CFAP92: variants seen among roughly 807,000 people sequenced by gnomAD.
The protein encoded by CFAP92 is uncharacterized protein CFAP92.
CFAP92 carries 86 observed loss-of-function variants against 106.3 expected under a neutral mutation model. That is an observed-to-expected ratio of 0.81 (90% confidence interval 0.68 to 0.97). CFAP92 has a LOEUF of 0.97. Among genes scored for constraint, CFAP92 ranks in the 50% least tolerant of loss-of-function variants. The pLI is 0.00. For missense variants in CFAP92, 1,204 were observed against 1,283.8 expected (o/e 0.94, Z 0.95); for synonymous variants, 477 against 506.4 (o/e 0.94, Z 0.78).
chr3:129,017,725 T>TTAA, the CFAP92 span, among the ~76,000 whole-genome samples: 1 of 146,420 alleles, frequency 6.8e-6, no homozygotes, highest in Non-Finnish European at 1.5e-5. Flanking sequence ...GGGACTTGTG[T>TTAA]GATTAGACAG....
the CFAP92 span, among the ~76,000 whole-genome samples, chr3:129,007,774 T>A: frequency 6.6e-6 from 1 of 152,250 alleles, no homozygotes; most frequent in Non-Finnish European, 1.5e-5. Context: ...TTGATGACTC[T>A]ATTGTTCATG....
At chr3:128,910,757 CCTT>C (rs1936201125) in intron 15 of CFAP92, 3 of 1,614,236 alleles carry the variant, frequency 1.9e-6, no homozygotes, top group Non-Finnish European at 2.5e-6. Context: ...TTGGCCAACA[CCTT>C]CTGCGTGGAA....
At position 128,911,533 on chromosome 3, in the gene CFAP92, G is replaced by A. The variant is rs188462902; in HGVS notation, c.3281-1200C>T. Among the ~76,000 whole-genome samples the A allele has an allele frequency of 5.6e-4, 85 of 152,258 alleles. 1 individual carries two copies. Among genetic ancestry groups the A allele is most frequent in the Admixed American group, 7.8e-4 (12 of 15,298 alleles). Reference sequence around the variant, plus strand: ...GCTCACTGCAACCTCCACCTCCTGGGTTCAAGCAACTCCTGTGCCTCAGCC... The same window carrying A: ...GCTCACTGCAACCTCCACCTCCTGGATTCAAGCAACTCCTGTGCCTCAGCC... On this transcript the variant is annotated intron_variant, in intron 15 of 15. Transcript: ENST00000645291.
At chr3:128,993,712 C>T in intron 1 of CFAP92, 1 of 295,892 alleles carries the variant, frequency 3.4e-6, no homozygotes, top group Non-Finnish European at 6.6e-6. Flanking sequence ...GCACAAGATG[C>T]GTTTGCTATT....
At chr3:128,987,888 A>G in intron 3 of CFAP92, 59 bp from the exon 4 acceptor site, 1 of 1,453,362 alleles carries the variant, frequency 6.9e-7, no homozygotes, top group Non-Finnish European at 9.3e-7. Flanking sequence ...GGCCGTGGCG[A>G]ACAGAGCAAG....
At chr3:128,994,633 G>A (rs527766584), upstream of CFAP92, among the ~76,000 whole-genome samples, 63 of 152,340 alleles carry the variant, frequency 4.1e-4, 3 homozygotes, top group South Asian at 0.013. Context: ...GCTTAGAGAG[G>A]TGAAGCGATT....
intron 12 of CFAP92, among the ~76,000 whole-genome samples, chr3:128,925,779 GA>G (rs1937603614): frequency 6.6e-6 from 1 of 151,932 alleles, no homozygotes; most frequent in Non-Finnish European, 1.5e-5. Context: ...GAAAACCAAA[GA>G]AAATAAAAAC....
chr3:128,947,588 C>T (rs192417213), intron 9 of CFAP92, among the ~76,000 whole-genome samples: 1 of 151,140 alleles, frequency 6.6e-6, no homozygotes, highest in East Asian at 2.0e-4. Flanking sequence ...GAAACAGATC[C>T]ACACAAGTAT....
chr3:128,938,629 G>A lies in CFAP92; in HGVS notation c.2259-3310C>T, dbSNP rs375291874. On this transcript the variant is annotated intron_variant, in intron 10 of 15. Coordinates refer to ENST00000645291, the MANE Select transcript of CFAP92 (RefSeq NM_001394090.1). ...CTGCCTCAGCCTCCTGAGTAGCTGG[G>A]ACTACAGGCGCCCACCACCACGCCC... Among the ~76,000 whole-genome samples the A allele has an allele frequency of 4.1e-4, 63 of 151,872 alleles. No homozygotes were observed. The East Asian group carries it at 0.012, about 29-fold the overall frequency.
At chr3:128,979,826 T>C (rs1656437443) in intron 4 of CFAP92, among the ~76,000 whole-genome samples, 3 of 151,764 alleles carry the variant, frequency 2.0e-5, no homozygotes, top group Non-Finnish European at 2.9e-5. Flanking sequence ...ACGGATAGCA[T>C]TAGGAGATAT....
chr3:128,910,705 AT>A, intron 15 of CFAP92: 1 of 1,612,336 alleles, frequency 6.2e-7, no homozygotes, highest in Non-Finnish European at 8.5e-7. Flanking sequence ...GATTCCAGGA[AT>A]TTGGGCATAT....
intron 9 of CFAP92, among the ~76,000 whole-genome samples, chr3:128,962,043 C>T (rs973579674): frequency 1.1e-4 from 16 of 152,206 alleles, no homozygotes; most frequent in South Asian, 2.1e-4. Context: ...CCTCCTAAGC[C>T]GTGTCCCATC....
At position 128,987,628 on chromosome 3, in the gene CFAP92, A is replaced by G. The variant is rs1943939289; in HGVS notation, c.655T>C (p.Phe219Leu). The G allele has an allele frequency of 3.1e-6, 5 of 1,613,828 alleles. No homozygotes were observed. The highest frequency in any genetic ancestry group is 4.2e-6 in the Non-Finnish European group (5 of 1,179,814). ...AAAACCAGAGCACCTGACTTATGAAAAGCTCCCACGTCGTCTGTGAAGCCG... is the reference window on the plus strand; with the variant it reads ...AAAACCAGAGCACCTGACTTATGAAGAGCTCCCACGTCGTCTGTGAAGCCG... ...TAGFTDDVGA[F>L]HKSEVRHLVL... is the part of the protein sequence containing the mutation. The change falls in exon 4 of 16, where the codon TTT becomes CTT. Residue 219 changes from phenylalanine to leucine, a missense_variant. Coordinates refer to ENST00000645291, the MANE Select transcript of CFAP92 (RefSeq NM_001394090.1).
In CFAP92 at chr3:128,916,202, A is replaced by C; in HGVS notation, c.2821T>G (p.Ser941Ala). 1.6e-6 allele frequency: 2 copies of C among 1,232,124 alleles called. No individual in the cohort carries two copies. Among genetic ancestry groups the C allele is most frequent in the Non-Finnish European group, 2.0e-6 (2 of 987,960 alleles). 76.3% of individuals were successfully genotyped at this position (1,232,124 alleles called of 1,614,324 possible). The part of the protein sequence containing the change: ...PKSVAKVIKI[S>A]APANKAVYNY... Reference sequence around the variant, plus strand: ...TAGACGGCCTTGTTGGCAGGGGCTGAAATTTTAATCACCTTCGCCACGGAC... The same window carrying C: ...TAGACGGCCTTGTTGGCAGGGGCTGCAATTTTAATCACCTTCGCCACGGAC... The change falls in exon 13 of 16, where the codon TCA (serine) becomes GCA (alanine). Residue 941 changes from serine (S) to alanine (A), a missense_variant. Ser to Ala is a moderately conservative substitution (Grantham distance 99). Transcript: ENST00000645291.
At chr3:128,911,213 C>A (rs1017438287) in intron 15 of CFAP92, among the ~76,000 whole-genome samples, 1 of 152,070 alleles carries the variant, frequency 6.6e-6, no homozygotes, top group Non-Finnish European at 1.5e-5. Context: ...CACGCCACCA[C>A]GCCCGGCTAA....
chr3:128,932,013 G>A (rs1308118894), intron 12 of CFAP92, among the ~76,000 whole-genome samples: 2 of 152,180 alleles, frequency 1.3e-5, no homozygotes, highest in East Asian at 3.9e-4. Context: ...GTGAGACCCC[G>A]ATTCAAAAAA....
chr3:128,991,402 C>T (rs1944204348), intron 2 of CFAP92: 1 of 152,538 alleles, frequency 6.6e-6, no homozygotes, highest in African/African-American at 2.4e-5. Flanking sequence ...GTAAGACTCT[C>T]CCCAGGGCCT....
At chr3:128,927,717 C>CTT (rs1317730937) in intron 12 of CFAP92, among the ~76,000 whole-genome samples, 5 of 136,152 alleles carry the variant, frequency 3.7e-5, no homozygotes, top group Non-Finnish European at 1.5e-5. Context: ...GAGCAAGACT[C>CTT]TGTCTCAAAA....
At chr3:128,933,718 T>C in intron 11 of CFAP92, among the ~76,000 whole-genome samples, 1 of 152,214 alleles carries the variant, frequency 6.6e-6, no homozygotes, top group East Asian at 1.9e-4. Context: ...TCCTAAAAAG[T>C]GTTCTTCTGT....
Sources: allele counts gnomAD v4.1 joint callset (sites outside exome capture counted in the v4.1 genomes callset), GRCh38; gene constraint gnomAD v4.1.1; transcripts MANE v1.5; gene names NCBI Gene and HGNC (gene_info 2026-07-23, HGNC 2026-07-21).